Variants in LRTM3 observed in about 807,000 individuals in gnomAD.
LRTM3 encodes the protein leucine-rich repeat transmembrane protein 3.
chr13:102,748,764 C>T, the LRTM3 span: 2 of 1,550,168 alleles, frequency 1.3e-6, no homozygotes, highest in Non-Finnish European at 1.7e-6. Context: ...TTTGTTTCTA[C>T]TAGTAAACAA....
the LRTM3 span, chr13:102,745,167 G>T: frequency 3.9e-6 from 6 of 1,550,816 alleles, no homozygotes; most frequent in South Asian, 7.1e-5. Context: ...TGAAAGTCAA[G>T]ATCCTTCCCC....
At chr13:102,753,363 A>T in the LRTM3 span, among the ~76,000 whole-genome samples, 1 of 152,098 alleles carries the variant, frequency 6.6e-6, no homozygotes, top group East Asian at 1.9e-4. Flanking sequence ...AGGACAGACA[A>T]ATACCTAAAG....
the LRTM3 span, chr13:102,734,743 T>G: frequency 6.4e-7 from 1 of 1,551,222 alleles, no homozygotes; most frequent in South Asian, 1.2e-5. Flanking sequence ...AATGTGTTTC[T>G]TTATCCAATT....
chr13:102,733,466 G>T, the LRTM3 span: 1 of 1,551,348 alleles, frequency 6.4e-7, no homozygotes, highest in Non-Finnish European at 8.7e-7. Flanking sequence ...GGTGCCAAGT[G>T]TGACATACAG....
the LRTM3 span, chr13:102,738,465 C>T: frequency 1.3e-6 from 2 of 1,550,712 alleles, no homozygotes; most frequent in Non-Finnish European, 1.7e-6. Context: ...CTTGGTTCAC[C>T]TTTAATATGT....
At chr13:102,741,886 TA>T in the LRTM3 span, 1 of 1,550,418 alleles carries the variant, frequency 6.4e-7, no homozygotes, top group Admixed American at 2.0e-5. Context: ...AACTAATCCT[TA>T]ACGGTCCAAT....
At chr13:102,746,088 C>A in the LRTM3 span, 7 of 1,550,956 alleles carry the variant, frequency 4.5e-6, no homozygotes, top group Non-Finnish European at 5.2e-6. Context: ...TGTAGTTCTT[C>A]AGCTTCTAAA....
chr13:102,756,311 G>C, the LRTM3 span, among the ~76,000 whole-genome samples: 1 of 136,804 alleles, frequency 7.3e-6, no homozygotes, highest in Non-Finnish European at 1.6e-5. Context: ...TCCTTAGTTC[G>C]AAAAAAAAAA....
the LRTM3 span, chr13:102,729,785 C>T: frequency 6.4e-6 from 10 of 1,551,730 alleles, no homozygotes; most frequent in Non-Finnish European, 8.7e-6. Flanking sequence ...CTTTCTGTCA[C>T]GTTTCCCTTT....
At chr13:102,735,338 T>G in the LRTM3 span, 2 of 1,551,192 alleles carry the variant, frequency 1.3e-6, no homozygotes, top group Non-Finnish European at 1.7e-6. Flanking sequence ...ATGGGTTGCT[T>G]CTGGACATGC....
chr13:102,733,496 A>G, the LRTM3 span: 5 of 1,551,178 alleles, frequency 3.2e-6, no homozygotes, highest in Admixed American at 2.0e-5. Context: ...TATTTTCCTT[A>G]TCAGTGAAAC....
chr13:102,730,340 C>T, the LRTM3 span: 1 of 1,551,166 alleles, frequency 6.4e-7, no homozygotes, highest in Non-Finnish European at 8.7e-7. Context: ...TACTTCAAGA[C>T]ATGAACACTC....
the LRTM3 span, chr13:102,734,662 A>G: frequency 4.5e-6 from 7 of 1,551,110 alleles, no homozygotes; most frequent in Non-Finnish European, 6.1e-6. Flanking sequence ...CGGACTCTCT[A>G]TGTACAGTCT....
chr13:102,746,362 A>G, the LRTM3 span: 1 of 1,550,846 alleles, frequency 6.4e-7, no homozygotes. Context: ...TAGCAAAGAC[A>G]TCAGTGTATG....
chr13:102,745,802 C>A, the LRTM3 span: 1 of 1,551,174 alleles, frequency 6.4e-7, no homozygotes, highest in African/African-American at 1.4e-5. Flanking sequence ...AGGTGAAAAC[C>A]TAACATGACT....
the LRTM3 span, chr13:102,758,538 C>T: frequency 5.2e-6 from 8 of 1,545,882 alleles, no homozygotes; most frequent in East Asian, 2.0e-4. Context: ...TTGTATAATA[C>T]TTACCAAGTT....
chr13:102,744,780 A>G, the LRTM3 span: 13 of 1,550,300 alleles, frequency 8.4e-6, no homozygotes, highest in Non-Finnish European at 1.0e-5. Context: ...GCATTACTAG[A>G]TCCACTTTCC....
chr13:102,739,126 A>G, the LRTM3 span: 2 of 1,550,492 alleles, frequency 1.3e-6, no homozygotes, highest in South Asian at 2.4e-5. Context: ...GAGAAAGAAT[A>G]GAAGCACAGA....
At chr13:102,744,806 G>T in the LRTM3 span, 1 of 1,549,776 alleles carries the variant, frequency 6.5e-7, no homozygotes. Flanking sequence ...AGTCAAATTG[G>T]CCTTCTGTGC....
Sources: gnomAD v4.1 joint callset for allele counts (sites outside exome capture counted in the v4.1 genomes callset) on GRCh38, gnomAD v4.1.1 for gene constraint, MANE v1.5 for transcripts, NCBI Gene and HGNC (gene_info 2026-07-23, HGNC 2026-07-21) for gene names.